SPTLC3: variants seen among roughly 807,000 people sequenced by gnomAD.
The protein encoded by SPTLC3 is serine palmitoyltransferase long chain base subunit 3.
In SPTLC3, 36 loss-of-function variants were observed where a neutral mutation model predicts 59.3. The observed-to-expected ratio is 0.61, with a 90% CI of 0.47 to 0.80. The LOEUF (loss-of-function observed/expected upper bound fraction) is 0.80, where lower values mean the gene tolerates loss of function less well. SPTLC3 is among the 30% of genes least tolerant of loss of function. The pLI, the probability that SPTLC3 is intolerant of heterozygous loss-of-function variation, is 0.00. For synonymous variants in SPTLC3, 257 were observed against 240.8 expected (o/e 1.07, Z -0.62); for missense variants, 625 against 685.1 (o/e 0.91, Z 0.98).
intron 6 of SPTLC3, among the ~76,000 whole-genome samples, chr20:13,104,494 G>A (rs1406596962): frequency 2.0e-5 from 3 of 152,178 alleles, no homozygotes; most frequent in Admixed American, 1.3e-4. Flanking sequence ...CCCCAGCCAC[G>A]TGGAGCTGTA....
chr20:13,063,908 G>A (rs1342551129), intron 2 of SPTLC3, among the ~76,000 whole-genome samples: 2 of 151,874 alleles, frequency 1.3e-5, no homozygotes, highest in Non-Finnish European at 2.9e-5. Flanking sequence ...CGCCCGCCTC[G>A]GCCTCCCAAA....
chr20:13,013,364 G>GGTAA (rs1985355640), intron 1 of SPTLC3, among the ~76,000 whole-genome samples: 1 of 152,130 alleles, frequency 6.6e-6, no homozygotes, highest in South Asian at 2.1e-4. Flanking sequence ...TGACAGCCGT[G>GGTAA]GTAAGTACCT....
intron 1 of SPTLC3, among the ~76,000 whole-genome samples, chr20:13,033,494 T>G (rs75192699): frequency 0.055 from 8,385 of 152,172 alleles, 269 homozygotes; most frequent in South Asian, 0.083. Context: ...TATGAGCTAG[T>G]CATAGAAGTA....
At chr20:13,135,408 T>C (rs1287278234) in intron 9 of SPTLC3, among the ~76,000 whole-genome samples, 1 of 152,220 alleles carries the variant, frequency 6.6e-6, no homozygotes, top group Admixed American at 6.5e-5. Flanking sequence ...CCATGATCGT[T>C]ACAATTTTGA....
intron 1 of SPTLC3, among the ~76,000 whole-genome samples, chr20:13,028,954 C>T (rs1600215132): frequency 1.3e-5 from 2 of 152,284 alleles, no homozygotes; most frequent in African/African-American, 2.4e-5. Context: ...GATCTCAAAA[C>T]GGCCAATCCA....
chr20:13,105,586 G>A (rs577686587), intron 6 of SPTLC3, among the ~76,000 whole-genome samples: 3 of 152,032 alleles, frequency 2.0e-5, no homozygotes, highest in African/African-American at 7.2e-5. Flanking sequence ...GACCTTTTTG[G>A]TGCAAAAACA....
At chr20:13,155,512 A>G (rs1444722524) in intron 10 of SPTLC3, among the ~76,000 whole-genome samples, 1 of 152,174 alleles carries the variant, frequency 6.6e-6, no homozygotes, top group Non-Finnish European at 1.5e-5. Flanking sequence ...ATTTTACCAC[A>G]GCAAAATCAC....
intron 4 of SPTLC3, among the ~76,000 whole-genome samples, chr20:13,082,902 A>G (rs1988887142): frequency 6.6e-6 from 1 of 152,204 alleles, no homozygotes; most frequent in Non-Finnish European, 1.5e-5. Flanking sequence ...AAGAAGACCA[A>G]GGACATCATC....
intron 1 of SPTLC3, among the ~76,000 whole-genome samples, chr20:13,036,728 G>A (rs1307669689): frequency 2.0e-5 from 3 of 152,040 alleles, no homozygotes; most frequent in Admixed American, 2.0e-4. Context: ...ACCAATCAGA[G>A]TTGATTTGGG....
chr20:13,157,273 CA>C (rs34562385), intron 10 of SPTLC3, among the ~76,000 whole-genome samples: 7 of 143,630 alleles, frequency 4.9e-5, no homozygotes, highest in Admixed American at 7.0e-5. Flanking sequence ...ACTAAAAGTA[CA>C]AAAAAAAAAA....
Position 13,074,490 on chromosome 20 carries a change from T to G in SPTLC3, c.600T>G (p.His200Gln). 6.2e-7 allele frequency: 1 copy of G among 1,613,316 alleles called. No individual in the cohort carries two copies. Among genetic ancestry groups the G allele is most frequent in the South Asian group, 1.1e-5 (1 of 90,922 alleles). The change falls in exon 4 of 12, where the codon CAT becomes CAG. Residue 200 changes from histidine (H) to glutamine (Q), a missense_variant. Physicochemically the swap from His to Gln is conservative, Grantham distance 24 (BLOSUM62 0). Coordinates refer to ENST00000399002, the MANE Select transcript of SPTLC3 (RefSeq NM_018327.4). ...VYGTGVASTR[H>Q]EMGTLDKHKE... Reference sequence around the variant, plus strand: ...GCACAGGCGTGGCCAGCACCAGGCATGAAATGGGTATGTACATTCACTGTT... The same window carrying G: ...GCACAGGCGTGGCCAGCACCAGGCAGGAAATGGGTATGTACATTCACTGTT...
chr20:13,019,682 C>T (rs577424502), intron 1 of SPTLC3, among the ~76,000 whole-genome samples: 1 of 152,264 alleles, frequency 6.6e-6, no homozygotes, highest in Admixed American at 6.5e-5. Context: ...ATTGACCAAA[C>T]CACAACTCTC....
intron 1 of SPTLC3, among the ~76,000 whole-genome samples, chr20:13,037,642 C>T (rs550949166): frequency 9.2e-5 from 14 of 152,276 alleles, no homozygotes; most frequent in African/African-American, 3.1e-4. Context: ...TCTTTGAAGG[C>T]TCATCTCCTA....
In SPTLC3 at chr20:13,167,955, G is replaced by T. The variant is rs1393620698; in HGVS notation, c.*3088G>T. On this transcript the variant is annotated 3_prime_UTR_variant, in exon 12 of 12. Coordinates refer to ENST00000399002, the MANE Select transcript of SPTLC3 (RefSeq NM_018327.4). ...CTGATTCTCTTGTTCATAATTAAGT[G>T]TATATATACTGGTAAAATTAATTTA... 1 of 152,158 alleles carries T rather than the reference G, an allele frequency of 6.6e-6. No homozygotes were observed. The allele number at this position is 152,158 out of a possible 1,614,324, so 9.4% of individuals were successfully genotyped here.
At position 13,117,676 on chromosome 20, in the gene SPTLC3, C is replaced by T. The variant is rs541435501; in HGVS notation, c.1103C>T (p.Thr368Ile). The change falls in exon 8 of 12, where the codon ACA becomes ATA. Residue 368 changes from threonine (T) to isoleucine (I), a missense_variant. Physicochemically the swap from Thr to Ile is moderately conservative, Grantham distance 89. Coordinates refer to ENST00000399002, the MANE Select transcript of SPTLC3 (RefSeq NM_018327.4). ...DPHEVDVLMG[T>I]FTKSFGASGG... Reference sequence around the variant, plus strand: ...CATGAAGTTGATGTGCTCATGGGCACATTCACCAAAAGTTTTGGAGCTTCA... The same window carrying T: ...CATGAAGTTGATGTGCTCATGGGCATATTCACCAAAAGTTTTGGAGCTTCA... The T allele has an allele frequency of 1.9e-6, 3 of 1,613,734 alleles. No homozygotes were observed. The East Asian group carries it at 6.7e-5, about 36-fold the overall frequency.
At chr20:13,011,759 A>G (rs1410748160) in intron 1 of SPTLC3, among the ~76,000 whole-genome samples, 1 of 150,840 alleles carries the variant, frequency 6.6e-6, no homozygotes, top group African/African-American at 2.4e-5. Context: ...TTTAAACCTC[A>G]TATGTCCTGA....
intron 1 of SPTLC3, among the ~76,000 whole-genome samples, chr20:13,026,550 C>T (rs906361086): frequency 6.6e-6 from 1 of 152,020 alleles, no homozygotes; most frequent in Non-Finnish European, 1.5e-5. Context: ...TTCGTGTCCT[C>T]GGCCTGCAGA....
At chr20:13,107,104 G>T in intron 6 of SPTLC3, among the ~76,000 whole-genome samples, 1 of 152,152 alleles carries the variant, frequency 6.6e-6, no homozygotes, top group East Asian at 1.9e-4. Flanking sequence ...CAAAGTAGAG[G>T]TCTCGCTTTG....
chr20:13,046,850 T>G (rs1987256094), intron 1 of SPTLC3, among the ~76,000 whole-genome samples: 2 of 152,162 alleles, frequency 1.3e-5, no homozygotes, highest in Admixed American at 1.3e-4. Context: ...ATGCAACAAA[T>G]GCCCTATATA....
Sources: allele counts gnomAD v4.1 joint callset (sites outside exome capture counted in the v4.1 genomes callset), GRCh38; gene constraint gnomAD v4.1.1; transcripts MANE v1.5; gene names NCBI Gene and HGNC (gene_info 2026-07-23, HGNC 2026-07-21).